MCCC2: variants seen among roughly 807,000 people sequenced by gnomAD.
MCCC2 encodes the protein methylcrotonyl-CoA carboxylase subunit 2.
Under a neutral mutation model 77.2 loss-of-function variants are expected in MCCC2, and 52 were observed. The observed-to-expected ratio is 0.67, with a 90% CI of 0.54 to 0.85. The LOEUF is 0.85. Ranked by LOEUF, MCCC2 falls within the 40% of genes least tolerant of loss-of-function variation. The pLI is 0.00. For synonymous variants in MCCC2, 253 were observed against 248.4 expected, an observed-to-expected ratio of 1.02 and a Z score of -0.18; for missense variants, 682 against 703.2, an observed-to-expected ratio of 0.97 and a Z score of 0.34.
chr5:71,593,995 G>A (rs1428400100), intron 2 of MCCC2, among the ~76,000 whole-genome samples: 1 of 152,004 alleles, frequency 6.6e-6, no homozygotes, highest in Non-Finnish European at 1.5e-5. Flanking sequence ...ACTCGAAGTC[G>A]GGAGCTCAAG....
At chr5:71,635,091 G>C in intron 9 of MCCC2, 49 bp downstream of exon 9, 1 of 1,612,580 alleles carries the variant, frequency 6.2e-7, no homozygotes, top group African/African-American at 1.3e-5. Flanking sequence ...AATGCATTTT[G>C]ACTCACTGCA....
Position 71,633,123 on chromosome 5 carries a change from A to ATTTTT in MCCC2, c.803+939_803+940insTTTTT, listed in dbSNP as rs1391065508. On this transcript the variant is annotated intron_variant, in intron 8 of 16. Coordinates refer to ENST00000340941, the MANE Select transcript of MCCC2 (RefSeq NM_022132.5). ...TATATATATATATATATATATATAT[A>ATTTTT]TATATATATTTTTATTTTTTGTAGA... 9.4e-4 allele frequency among the ~76,000 whole-genome samples: 30 copies of ATTTTT among 31,788 alleles called. 2 individuals are homozygous for ATTTTT. Among genetic ancestry groups the ATTTTT allele is most frequent in the Non-Finnish European group, 1.9e-3 (27 of 14,584 alleles). 20.9% of individuals were successfully genotyped at this position (31,788 alleles called of 152,430 possible).
chr5:71,633,091 TTATATATATATATA>T lies in MCCC2; in HGVS notation c.803+934_803+947del, dbSNP rs137979624. ...GAGGAGGAGGGTTTTTTTTTCAGTT[TTATATATATATATA>T]TATATATATATATATATATATATAT... is the stretch of plus-strand genomic sequence containing the variant. On this transcript the variant is annotated intron_variant, in intron 8 of 16. Transcript: ENST00000340941. 1.2e-3 allele frequency among the ~76,000 whole-genome samples: 97 copies of T among 84,244 alleles called. 2 individuals are homozygous for T. The highest frequency in any genetic ancestry group is 1.9e-3 in the Admixed American group (12 of 6,236). 55.3% of individuals were successfully genotyped at this position (84,244 alleles called of 152,430 possible).
intron 13 of MCCC2, among the ~76,000 whole-genome samples, chr5:71,648,133 C>G (rs936699100): frequency 6.6e-6 from 1 of 152,200 alleles, no homozygotes; most frequent in Non-Finnish European, 1.5e-5. Context: ...CCTGTGGTGA[C>G]TGCAGAAGGC....
At chr5:71,591,420 T>C (rs1335373581) in intron 1 of MCCC2, among the ~76,000 whole-genome samples, 2 of 149,810 alleles carry the variant, frequency 1.3e-5, no homozygotes, top group Admixed American at 6.9e-5. Flanking sequence ...TATGCCAGCA[T>C]AGAGTTTTGT....
intron 7 of MCCC2, among the ~76,000 whole-genome samples, chr5:71,629,026 T>G (rs937439722): frequency 1.3e-5 from 2 of 151,934 alleles, no homozygotes; most frequent in African/African-American, 4.8e-5. Flanking sequence ...GCCAACATAG[T>G]GAAACCCCAT....
In MCCC2 at chr5:71,650,149, T is replaced by C; in HGVS notation, c.1454T>C (p.Ile485Thr). Reference protein sequence around the residue: ...GEQAANVLATITKDQRAREGK... With the variant: ...GEQAANVLATTTKDQRAREGK... ...CAGGCAGCCAATGTGTTGGCCACGATAACAAAGGACCAAAGAGCCCGGGAA... is the reference window on the plus strand; with the variant it reads ...CAGGCAGCCAATGTGTTGGCCACGACAACAAAGGACCAAAGAGCCCGGGAA... The change falls in exon 15 of 17, where the codon ATA (isoleucine) becomes ACA (threonine). Residue 485 changes from isoleucine to threonine, a missense_variant. Physicochemically the swap from Ile to Thr is moderately conservative, Grantham distance 89. Coordinates refer to ENST00000340941, the MANE Select transcript of MCCC2 (RefSeq NM_022132.5). 6.2e-7 allele frequency: 1 copy of C among 1,614,200 alleles called. No homozygotes were observed. Among genetic ancestry groups the C allele is most frequent in the East Asian group, 2.2e-5 (1 of 44,884 alleles).
At chr5:71,607,881 C>G (rs372811616) in intron 6 of MCCC2, among the ~76,000 whole-genome samples, 1 of 118,746 alleles carries the variant, frequency 8.4e-6, no homozygotes, top group African/African-American at 3.1e-5. Context: ...TGTAGTTGAG[C>G]AGTTTTGAGT....
intron 10 of MCCC2, chr5:71,635,499 G>A: frequency 1.9e-6 from 1 of 532,696 alleles, no homozygotes; most frequent in Non-Finnish European, 3.5e-6. Context: ...GTGTGATTTG[G>A]TCATAAGTAA....
chr5:71,615,381 C>T (rs955862773), intron 6 of MCCC2, among the ~76,000 whole-genome samples: 1 of 152,206 alleles, frequency 6.6e-6, no homozygotes, highest in African/African-American at 2.4e-5. Flanking sequence ...TCTGCACAGC[C>T]TCTTGGTATC....
At chr5:71,604,729 C>T (rs544085004) in intron 6 of MCCC2, among the ~76,000 whole-genome samples, 65 of 151,680 alleles carry the variant, frequency 4.3e-4, no homozygotes, top group South Asian at 1.9e-3. Context: ...TATCCCTCCC[C>T]GCTCCCCCCA....
chr5:71,650,162 A>G lies in MCCC2; in HGVS notation c.1467A>G (p.Gln489=), dbSNP rs1437001652. The G allele has an allele frequency of 6.2e-7, 1 of 1,614,162 alleles. No individual in the cohort carries two copies. The change falls in exon 15 of 17, where the codon CAA becomes CAG. Residue 489 remains glutamine (Q), a synonymous_variant. Coordinates refer to ENST00000340941, the MANE Select transcript of MCCC2 (RefSeq NM_022132.5). ...TGTTGGCCACGATAACAAAGGACCAAAGAGCCCGGGAAGGAAAGCAGGTCG... is the reference window on the plus strand; with the variant it reads ...TGTTGGCCACGATAACAAAGGACCAGAGAGCCCGGGAAGGAAAGCAGGTCG... ...ANVLATITKD[Q]RAREGKQFSS...
intron 1 of MCCC2, among the ~76,000 whole-genome samples, chr5:71,588,351 G>A (rs972017843): frequency 6.6e-6 from 1 of 151,626 alleles, no homozygotes; most frequent in Non-Finnish European, 1.5e-5. Flanking sequence ...GGAATTAGGA[G>A]GCATCATAAG....
chr5:71,651,661 C>T (rs62363364), intron 15 of MCCC2, among the ~76,000 whole-genome samples: 4 of 152,150 alleles, frequency 2.6e-5, no homozygotes, highest in Admixed American at 2.6e-4. Context: ...GTTGTCTTTT[C>T]CAAGCACTCG....
At position 71,656,485 on chromosome 5, in the gene MCCC2, T is replaced by C. The variant is rs185720930; in HGVS notation, c.1575-258T>C. On this transcript the variant is annotated intron_variant, in intron 16 of 16. Coordinates refer to ENST00000340941, the MANE Select transcript of MCCC2 (RefSeq NM_022132.5). ...AAATTAGGGGTTACTTTGAGATCTC[T>C]TATAAAAGTAGTTCCTTAAGCCTTA... Among the ~76,000 whole-genome samples the C allele has an allele frequency of 5.3e-5, 8 of 152,314 alleles. No homozygotes were observed. The East Asian group carries it at 1.2e-3, about 22-fold the overall frequency.
At chr5:71,654,557 G>GT (rs140088649) in intron 16 of MCCC2, among the ~76,000 whole-genome samples, 142 of 149,340 alleles carry the variant, frequency 9.5e-4, no homozygotes, top group Middle Eastern at 3.5e-3. Flanking sequence ...CTTTTCTATA[G>GT]TTTTTTTTTT....
At chr5:71,606,058 G>C (rs1745663536) in intron 6 of MCCC2, among the ~76,000 whole-genome samples, 1 of 152,124 alleles carries the variant, frequency 6.6e-6, no homozygotes, top group Non-Finnish European at 1.5e-5. Context: ...GGCGATGTGG[G>C]CTCTTTTTTG....
Position 71,653,075 on chromosome 5 carries a change from A to G in MCCC2, c.1574+321A>G, listed in dbSNP as rs143815636. On this transcript the variant is annotated intron_variant, in intron 16 of 16. Coordinates refer to ENST00000340941, the MANE Select transcript of MCCC2 (RefSeq NM_022132.5). ...AGGTGGGCCATGTTAGGAGCCGAGA[A>G]TAAGTTATAAGCTTGGCTGTGTTAC... Among the ~76,000 whole-genome samples the G allele has an allele frequency of 3.1e-3, 466 of 152,336 alleles. 6 individuals are homozygous for G. Among genetic ancestry groups the G allele is most frequent in the African/African-American group, 0.011 (437 of 41,584 alleles).
chr5:71,620,411 T>A (rs1285576283), intron 6 of MCCC2, among the ~76,000 whole-genome samples: 1 of 152,238 alleles, frequency 6.6e-6, no homozygotes, highest in African/African-American at 2.4e-5. Context: ...GGCTTTTCTA[T>A]CAAGCAGTTG....
Sources: gnomAD v4.1 joint callset for allele counts (sites outside exome capture counted in the v4.1 genomes callset) on GRCh38, gnomAD v4.1.1 for gene constraint, MANE v1.5 for transcripts, NCBI Gene and HGNC (gene_info 2026-07-23, HGNC 2026-07-21) for gene names.